The following SCFD1 variants were observed in gnomAD, a reference collection of about 807,000 sequenced individuals.
SCFD1 encodes sec1 family domain containing 1.
Under a neutral mutation model 103.2 loss-of-function variants are expected in SCFD1, and 37 were observed. That is an observed-to-expected ratio of 0.36 (90% CI 0.28 to 0.47). SCFD1 has a LOEUF of 0.47. Among genes scored for constraint, SCFD1 ranks in the 20% least tolerant of loss-of-function variants. SCFD1 has a pLI of 1.00. For synonymous variants in SCFD1, 264 were observed against 245.0 expected, an observed-to-expected ratio of 1.08 and a Z score of -0.73; for missense variants, 639 against 761.2, an observed-to-expected ratio of 0.84 and a Z score of 1.89.
chr14:30,715,840 C>A, intron 19 of SCFD1, 84 bp from the exon 20 acceptor site: 1 of 708,910 alleles, frequency 1.4e-6, no homozygotes. Context: ...GGTAAGCATA[C>A]TTAACTGTAG....
At chr14:30,638,069 T>G in intron 4 of SCFD1, 56 bp from the exon 5 acceptor site, 1 of 1,479,192 alleles carries the variant, frequency 6.8e-7, no homozygotes, top group Non-Finnish European at 8.9e-7. Context: ...AGTTGAAACA[T>G]ATGTATTCAT....
intron 4 of SCFD1, chr14:30,634,688 G>T: frequency 2.5e-6 from 1 of 396,150 alleles, no homozygotes; most frequent in East Asian, 7.1e-5. Context: ...AGTCCACACT[G>T]GTGCAGAAGT....
rs748372267 is a variant in SCFD1, at chr14:30,700,225, C to T, written c.1377C>T (p.Ile459=). 5.0e-6 allele frequency: 8 copies of T among 1,611,404 alleles called. No homozygotes were observed. The highest frequency in any genetic ancestry group is 6.8e-6 in the Non-Finnish European group (8 of 1,177,678). The change falls in exon 16 of 25, where the codon ATC becomes ATT. Residue 459 remains isoleucine (I), a synonymous_variant. Transcript: ENST00000458591. ...TPEDKMRLFL[I]YYISTQQAPS... is the part of the protein sequence containing the mutation. ...AAGATAAAATGAGGTTGTTTCTTAT[C>T]TATTATATAAGCACACAGCAAGCAC...
intron 14 of SCFD1, among the ~76,000 whole-genome samples, chr14:30,679,085 C>T (rs938399740): frequency 2.0e-5 from 3 of 152,182 alleles, no homozygotes; most frequent in Non-Finnish European, 4.4e-5. Context: ...AAAGTGGAAA[C>T]TCTCTTAACT....
At chr14:30,726,825 G>A (rs1594772134) in intron 23 of SCFD1, among the ~76,000 whole-genome samples, 3 of 152,240 alleles carry the variant, frequency 2.0e-5, no homozygotes, top group Admixed American at 2.0e-4. Context: ...GTCTTGCTCA[G>A]TATGTCTCTT....
intron 20 of SCFD1, among the ~76,000 whole-genome samples, chr14:30,717,711 G>A (rs1892374729): frequency 6.6e-6 from 1 of 151,790 alleles, no homozygotes; most frequent in African/African-American, 2.4e-5. Flanking sequence ...GGCCAACATG[G>A]TGAAACCCCG....
chr14:30,726,842 A>G (rs1893077313), intron 23 of SCFD1, among the ~76,000 whole-genome samples: 1 of 152,198 alleles, frequency 6.6e-6, no homozygotes, highest in African/African-American at 2.4e-5. Context: ...TCTTTTCATT[A>G]AAGGCAAATC....
At chr14:30,672,651 A>T (rs548828552) in intron 11 of SCFD1, among the ~76,000 whole-genome samples, 56 of 152,304 alleles carry the variant, frequency 3.7e-4, no homozygotes, top group Non-Finnish European at 6.5e-4. Flanking sequence ...ATGATTGCAG[A>T]TCACTTCTGC....
At position 30,735,637 on chromosome 14, in the gene SCFD1, A is replaced by T; in HGVS notation, c.*28A>T. 1.3e-6 allele frequency: 2 copies of T among 1,550,054 alleles called. No homozygotes were observed. The highest frequency in any genetic ancestry group is 2.4e-5 in the South Asian group (2 of 85,058). ...CAGAAGAACCTTACTATGATAATCT[A>T]CTTGGAATGTGGATAAATGTAAAAA... On this transcript the variant is annotated 3_prime_UTR_variant, in exon 25 of 25. Coordinates refer to ENST00000458591, the MANE Select transcript of SCFD1 (RefSeq NM_016106.4).
intron 11 of SCFD1, among the ~76,000 whole-genome samples, chr14:30,670,996 C>A (rs230366): frequency 0.49 from 74,891 of 151,776 alleles, 21,467 homozygotes; most frequent in African/African-American, 0.79. Context: ...TGGCTAGAGC[C>A]ATCATTCTAA....
intron 23 of SCFD1, among the ~76,000 whole-genome samples, chr14:30,728,827 A>G (rs1173044968): frequency 7.0e-6 from 1 of 143,880 alleles, no homozygotes; most frequent in Non-Finnish European, 1.5e-5. Context: ...GTCTGTTTAG[A>G]TCCTTTGTCC....
At chr14:30,622,571 T>G in intron 1 of SCFD1, 172 bp downstream of exon 1, 1 of 1,183,446 alleles carries the variant, frequency 8.4e-7, no homozygotes, top group East Asian at 2.6e-5. Flanking sequence ...GCTTGAGGAC[T>G]CGGTTCCTCC....
intron 7 of SCFD1, among the ~76,000 whole-genome samples, chr14:30,647,885 AGGTGATCC>A (rs1297290247): frequency 6.6e-6 from 1 of 152,058 alleles, no homozygotes; most frequent in Non-Finnish European, 1.5e-5. Context: ...TCCTGACCTC[AGGTGATCC>A]GCCCGCCTCA....
At chr14:30,630,706 T>TA in intron 3 of SCFD1, 141 bp downstream of exon 3, 1 of 587,702 alleles carries the variant, frequency 1.7e-6, no homozygotes, top group Non-Finnish European at 3.0e-6. Flanking sequence ...TTCTGGGATT[T>TA]AAAAAAATCC....
In SCFD1 at chr14:30,647,230, C is replaced by T. The variant is rs555402017; in HGVS notation, c.614-2298C>T. ...TTAAAACCTTTTTGTTAAAATGATTCTCACACTAGATTAATAAAATATGTC... is the reference window on the plus strand; with the variant it reads ...TTAAAACCTTTTTGTTAAAATGATTTTCACACTAGATTAATAAAATATGTC... On this transcript the variant is annotated intron_variant, in intron 7 of 24. Transcript: ENST00000458591. Among the ~76,000 whole-genome samples, 9 of 152,066 alleles carry T rather than the reference C, an allele frequency of 5.9e-5. No individual in the cohort carries two copies. In the South Asian group the frequency reaches 1.7e-3, roughly 28 times the overall value.
At chr14:30,628,806 CTCTT>C (rs2138991008) in intron 2 of SCFD1, among the ~76,000 whole-genome samples, 1 of 152,308 alleles carries the variant, frequency 6.6e-6, no homozygotes, top group South Asian at 2.1e-4. Context: ...CATGCAGACT[CTCTT>C]TCTTCAGATG....
chr14:30,731,133 T>A (rs147372787), intron 23 of SCFD1, among the ~76,000 whole-genome samples: 5,466 of 152,298 alleles, frequency 0.036, 151 homozygotes, highest in African/African-American at 0.061. Context: ...CTTGTTTTTG[T>A]CAGGTTTGTC....
intron 7 of SCFD1, among the ~76,000 whole-genome samples, chr14:30,645,364 C>A (rs1325078807): frequency 1.3e-5 from 2 of 152,034 alleles, no homozygotes; most frequent in African/African-American, 4.8e-5. Context: ...TTTTCTAATT[C>A]TGTGAAAACT....
intron 10 of SCFD1, among the ~76,000 whole-genome samples, chr14:30,667,597 G>A (rs2139188193): frequency 6.6e-6 from 1 of 152,252 alleles, no homozygotes; most frequent in Non-Finnish European, 1.5e-5. Context: ...ATTCAATTAG[G>A]AAAAGAGGAA....
Sources: gnomAD v4.1 joint callset for allele counts (sites outside exome capture counted in the v4.1 genomes callset) on GRCh38, gnomAD v4.1.1 for gene constraint, MANE v1.5 for transcripts, NCBI Gene and HGNC (gene_info 2026-07-23, HGNC 2026-07-21) for gene names.